The following DRC8 variants were observed in gnomAD, a reference collection of about 807,000 sequenced individuals.
DRC8 encodes dynein regulatory complex subunit 8, also known as dynein regulatory complex protein 8.
the DRC8 span, among the ~76,000 whole-genome samples, chr1:245,034,623 A>AAG: frequency 7.2e-6 from 1 of 139,590 alleles, no homozygotes; most frequent in African/African-American, 2.6e-5. Flanking sequence ...AAAAAAAAAA[A>AAG]AAAAGAAAAG....
At chr1:245,020,007 A>G in the DRC8 span, among the ~76,000 whole-genome samples, 12 of 152,078 alleles carry the variant, frequency 7.9e-5, no homozygotes. Flanking sequence ...AGGGAGAGAT[A>G]TGTAATGGCT....
the DRC8 span, among the ~76,000 whole-genome samples, chr1:245,016,908 G>A: frequency 1.3e-5 from 2 of 152,232 alleles, no homozygotes; most frequent in Non-Finnish European, 2.9e-5. Flanking sequence ...AAGGACTTGA[G>A]ATAGAGAGGC....
the DRC8 span, among the ~76,000 whole-genome samples, chr1:245,031,133 A>T: frequency 6.6e-6 from 1 of 152,116 alleles, no homozygotes; most frequent in Non-Finnish European, 1.5e-5. Flanking sequence ...GTGTTAGGCC[A>T]TTCCAACACA....
At chr1:245,068,042 T>C in the DRC8 span, among the ~76,000 whole-genome samples, 1 of 152,144 alleles carries the variant, frequency 6.6e-6, no homozygotes, top group Non-Finnish European at 1.5e-5. Flanking sequence ...TCAGGTAAAT[T>C]TGGGGCAATG....
the DRC8 span, among the ~76,000 whole-genome samples, chr1:245,007,578 CA>C: frequency 6.6e-6 from 1 of 152,018 alleles, no homozygotes; most frequent in South Asian, 2.1e-4. Context: ...AAAGAGGAAT[CA>C]AAAAATGGCA....
chr1:245,091,550 C>T, the DRC8 span: 9 of 152,358 alleles, frequency 5.9e-5, no homozygotes, highest in African/African-American at 2.2e-4. Flanking sequence ...GCCTACCTCC[C>T]CAGCCCCACC....
the DRC8 span, among the ~76,000 whole-genome samples, chr1:245,008,017 T>C: frequency 3.3e-5 from 5 of 151,758 alleles, no homozygotes; most frequent in Admixed American, 3.3e-4. Flanking sequence ...AAAACAAAAA[T>C]TAAAAAAAAT....
the DRC8 span, among the ~76,000 whole-genome samples, chr1:245,101,073 T>A: frequency 3.9e-5 from 6 of 151,914 alleles, no homozygotes; most frequent in Admixed American, 3.3e-4. Context: ...TTAGCAGAGA[T>A]GGGGTTTCAC....
chr1:245,112,692 T>G, the DRC8 span, among the ~76,000 whole-genome samples: 11 of 152,156 alleles, frequency 7.2e-5, no homozygotes, highest in African/African-American at 2.7e-4. Flanking sequence ...CTCTAGAACT[T>G]TCTTATTCCA....
At chr1:245,088,137 G>A in the DRC8 span, among the ~76,000 whole-genome samples, 67,792 of 152,044 alleles carry the variant, frequency 0.45, 16,596 homozygotes, top group East Asian at 0.66. The surrounding 1 kb of genome is among the most constrained non-coding windows in gnomAD (Gnocchi z 4.6). Flanking sequence ...TGAAAGAGCA[G>A]AATGAAGCAC....
chr1:245,025,171 T>C, the DRC8 span, among the ~76,000 whole-genome samples: 1 of 152,218 alleles, frequency 6.6e-6, no homozygotes, highest in African/African-American at 2.4e-5. Flanking sequence ...TAAAGCTAAT[T>C]TGGTGGGGAC....
chr1:244,970,653 C>CCG, the DRC8 span: 3 of 64,226 alleles, frequency 4.7e-5, no homozygotes, highest in African/African-American at 1.5e-4. Flanking sequence ...CCCGCCCCGC[C>CCG]CCGCCTCTCT....
chr1:245,024,170 C>CA, the DRC8 span, among the ~76,000 whole-genome samples: 300 of 143,476 alleles, frequency 2.1e-3, 2 homozygotes, highest in Admixed American at 0.011. Context: ...ACTCTTATCT[C>CA]AAAAAAAAAA....
the DRC8 span, among the ~76,000 whole-genome samples, chr1:244,996,051 A>AT: frequency 6.6e-6 from 1 of 152,008 alleles, no homozygotes; most frequent in East Asian, 1.9e-4. Context: ...ATAAACATTT[A>AT]TTTTTTCACA....
chr1:245,040,913 A>G, the DRC8 span, among the ~76,000 whole-genome samples: 1 of 152,232 alleles, frequency 6.6e-6, no homozygotes, highest in Non-Finnish European at 1.5e-5. Context: ...TAGAGGAAAA[A>G]GGTGGATAAT....
At chr1:244,976,988 C>T in the DRC8 span, among the ~76,000 whole-genome samples, 5 of 152,286 alleles carry the variant, frequency 3.3e-5, no homozygotes, top group Non-Finnish European at 5.9e-5. Flanking sequence ...CACATGCTAC[C>T]GCTTGAATGA....
chr1:245,111,343 C>T, the DRC8 span, among the ~76,000 whole-genome samples: 21 of 152,236 alleles, frequency 1.4e-4, no homozygotes, highest in African/African-American at 5.1e-4. Context: ...ACCTGCTGAC[C>T]GCAGGGCAAA....
chr1:244,979,234 A>C, the DRC8 span, among the ~76,000 whole-genome samples: 1 of 150,278 alleles, frequency 6.7e-6, no homozygotes, highest in African/African-American at 2.5e-5. Flanking sequence ...CATATAGCTC[A>C]GTATTTGCTG....
the DRC8 span, among the ~76,000 whole-genome samples, chr1:244,975,275 T>C: frequency 1.2e-4 from 18 of 152,132 alleles, no homozygotes; most frequent in African/African-American, 3.9e-4. Flanking sequence ...CCTCCCAAAG[T>C]GCTGAGATTA....
Sources: gnomAD v4.1 joint callset for allele counts (sites outside exome capture counted in the v4.1 genomes callset) on GRCh38, gnomAD v4.1.1 for gene constraint, Gnocchi (gnomAD v3.1) non-coding constraint, MANE v1.5 for transcripts, NCBI Gene and HGNC (gene_info 2026-07-23, HGNC 2026-07-21) for gene names.